Variants in NAALADL2 observed in about 807,000 individuals in gnomAD.
NAALADL2 encodes inactive N-acetylated-alpha-linked acidic dipeptidase-like protein 2.
Under a neutral mutation model 87.2 loss-of-function variants are expected in NAALADL2, and 76 were observed. That is an observed-to-expected ratio of 0.87 (90% CI 0.72 to 1.05). The LOEUF is 1.05. Ranked by LOEUF, NAALADL2 falls within the 50% of genes least tolerant of loss-of-function variation. NAALADL2 has a pLI of 0.00. For missense variants in NAALADL2, 1,089 were observed against 945.8 expected (o/e 1.15, Z -1.99); for synonymous variants, 354 against 331.0 (o/e 1.07, Z -0.75).
At chr3:175,596,822 C>G (rs1722308219) in intron 10 of NAALADL2, among the ~76,000 whole-genome samples, 1 of 151,876 alleles carries the variant, frequency 6.6e-6, no homozygotes, top group Non-Finnish European at 1.5e-5. Context: ...TTTTTACCGC[C>G]TAAGTCCTAA....
chr3:174,579,408 G>A lies in NAALADL2; in HGVS notation c.-115+28771G>A, dbSNP rs142077855. ...ATAAATATACTAACACAAGTAACACGTAGGTGAATGTCAGAAACATGATGT... is the reference window on the plus strand; with the variant it reads ...ATAAATATACTAACACAAGTAACACATAGGTGAATGTCAGAAACATGATGT... On this transcript the variant is annotated intron_variant, in intron 2 of 3. Transcript: ENST00000434257. 5.4e-3 allele frequency among the ~76,000 whole-genome samples: 828 copies of A among 152,064 alleles called. 10 individuals are homozygous for A. Among genetic ancestry groups the A allele is most frequent in the African/African-American group, 0.019 (797 of 41,526 alleles).
chr3:175,742,835 T>C (rs1745425967), intron 12 of NAALADL2, among the ~76,000 whole-genome samples: 1 of 152,148 alleles, frequency 6.6e-6, no homozygotes, highest in African/African-American at 2.4e-5. Context: ...TATGATCTAA[T>C]TGTAATAAGT....
chr3:175,700,398 G>C (rs888902344), intron 11 of NAALADL2, among the ~76,000 whole-genome samples: 2 of 152,012 alleles, frequency 1.3e-5, no homozygotes, highest in Non-Finnish European at 2.9e-5. Context: ...GAGAAAAAAG[G>C]CTACTGCAGC....
intron 11 of NAALADL2, among the ~76,000 whole-genome samples, chr3:175,736,216 T>A (rs1038342404): frequency 6.6e-6 from 1 of 152,156 alleles, no homozygotes; most frequent in Non-Finnish European, 1.5e-5. Context: ...TCTGACAGTT[T>A]TGGGGTGGGG....
chr3:174,999,619 G>C (rs1020071978), intron 1 of NAALADL2, among the ~76,000 whole-genome samples: 17 of 152,160 alleles, frequency 1.1e-4, no homozygotes, highest in Admixed American at 9.8e-4. Flanking sequence ...GAATTTAATT[G>C]AGGGTAAGAG....
chr3:175,356,607 AAT>A (rs1343675031), intron 5 of NAALADL2, among the ~76,000 whole-genome samples: 54 of 132,684 alleles, frequency 4.1e-4, no homozygotes, highest in African/African-American at 1.3e-3. Flanking sequence ...TAATAATAAT[AAT>A]AAAGAAATAA....
intron 1 of NAALADL2, among the ~76,000 whole-genome samples, chr3:174,923,606 T>C (rs1325179065): frequency 6.6e-6 from 1 of 152,194 alleles, no homozygotes; most frequent in East Asian, 1.9e-4. Flanking sequence ...AAAATAATTT[T>C]CTAAAACATT....
intron 2 of NAALADL2, among the ~76,000 whole-genome samples, chr3:174,704,595 C>G (rs1007141826): frequency 1.3e-5 from 2 of 150,606 alleles, no homozygotes; most frequent in African/African-American, 4.9e-5. Flanking sequence ...AGATACATAC[C>G]ATGTGATGGA....
chr3:174,838,819 T>C (rs11923985), intron 3 of NAALADL2, among the ~76,000 whole-genome samples: 1 of 152,030 alleles, frequency 6.6e-6, no homozygotes, highest in Non-Finnish European at 1.5e-5. Flanking sequence ...CAAAGGATAC[T>C]ACAAAACACT....
At chr3:175,645,551 G>A (rs1189146374) in intron 11 of NAALADL2, among the ~76,000 whole-genome samples, 1 of 152,038 alleles carries the variant, frequency 6.6e-6, no homozygotes, top group East Asian at 1.9e-4. Flanking sequence ...GCTCTAAAGT[G>A]CATATAAGAA....
intron 12 of NAALADL2, among the ~76,000 whole-genome samples, chr3:175,746,202 C>T (rs569358055): frequency 1.6e-3 from 241 of 151,446 alleles, no homozygotes; most frequent in Non-Finnish European, 2.8e-3. Flanking sequence ...TCATTAGCGT[C>T]AATCACTTCA....
rs116492445 is a variant in NAALADL2 at position 175,623,194 on chromosome 3, A to T, written c.1801-4097A>T. 5.6e-3 allele frequency among the ~76,000 whole-genome samples: 849 copies of T among 152,256 alleles called. 3 individuals are homozygous for T. The highest frequency in any genetic ancestry group is 0.019 in the South Asian group (94 of 4,830). On this transcript the variant is annotated intron_variant, in intron 10 of 13. Transcript: ENST00000454872. ...TAATTTTTAAGTTAGATATCTTTTG[A>T]CAATTGTATATCCATGTAAACACCA...
At chr3:174,612,156 T>C (rs1719977395) in intron 2 of NAALADL2, among the ~76,000 whole-genome samples, 1 of 152,202 alleles carries the variant, frequency 6.6e-6, no homozygotes, top group Admixed American at 6.5e-5. Context: ...GAAAGTCTGC[T>C]GCCAGGTGTA....
intron 13 of NAALADL2, among the ~76,000 whole-genome samples, chr3:175,780,958 G>A (rs1750973428): frequency 6.6e-6 from 1 of 152,108 alleles, no homozygotes; most frequent in South Asian, 2.1e-4. Flanking sequence ...ATTTTCAAAA[G>A]GCACATGAGA....
intron 9 of NAALADL2, among the ~76,000 whole-genome samples, chr3:175,496,952 A>G (rs959037973): frequency 1.2e-4 from 19 of 152,144 alleles, no homozygotes; most frequent in Non-Finnish European, 2.2e-4. Context: ...TATCACATAA[A>G]TATTATTATA....
chr3:175,425,975 T>A (rs1474381424), intron 5 of NAALADL2, among the ~76,000 whole-genome samples: 2 of 152,326 alleles, frequency 1.3e-5, no homozygotes, highest in East Asian at 3.9e-4. Context: ...CTCAGATTTT[T>A]ATTTTGTAGA....
At chr3:175,290,031 T>G (rs1755460176) in intron 4 of NAALADL2, among the ~76,000 whole-genome samples, 1 of 152,164 alleles carries the variant, frequency 6.6e-6, no homozygotes, top group Non-Finnish European at 1.5e-5. Context: ...CAGACATCAC[T>G]ATAAATCTAT....
At chr3:175,565,399 G>C (rs888447898) in intron 9 of NAALADL2, among the ~76,000 whole-genome samples, 7 of 152,066 alleles carry the variant, frequency 4.6e-5, no homozygotes, top group Non-Finnish European at 8.8e-5. Flanking sequence ...TACTTTCCTA[G>C]AAAATGCACA....
chr3:174,556,723 T>C (rs1712875491), intron 2 of NAALADL2, among the ~76,000 whole-genome samples: 1 of 152,046 alleles, frequency 6.6e-6, no homozygotes. Flanking sequence ...CATTGGATAA[T>C]TTTAGTAGAT....
Sources: gnomAD v4.1 joint callset for allele counts (sites outside exome capture counted in the v4.1 genomes callset) on GRCh38, gnomAD v4.1.1 for gene constraint, MANE v1.5 for transcripts, NCBI Gene and HGNC (gene_info 2026-07-23, HGNC 2026-07-21) for gene names.